Variants in HS3ST4 observed in about 807,000 individuals in gnomAD.
The protein encoded by HS3ST4 is heparan sulfate-glucosamine 3-sulfotransferase 4, also known as heparan sulfate glucosamine 3-O-sulfotransferase 4.
HS3ST4 carries 17 observed loss-of-function variants against 29.2 expected under a neutral mutation model. That is an observed-to-expected ratio of 0.58 (90% CI 0.40 to 0.87). The LOEUF is 0.87. Among genes scored for constraint, HS3ST4 ranks in the 40% least tolerant of loss-of-function variants. HS3ST4 has a pLI of 0.00. For missense variants in HS3ST4, 627 were observed against 634.5 expected (o/e 0.99, Z 0.13); for synonymous variants, 314 against 285.7 (o/e 1.10, Z -1.00).
intron 1 of HS3ST4, among the ~76,000 whole-genome samples, chr16:25,849,377 G>A (rs944428955): frequency 3.3e-5 from 5 of 152,172 alleles, no homozygotes; most frequent in African/African-American, 4.8e-5. Flanking sequence ...TTTGATTGGT[G>A]AATCTCTGAG....
intron 1 of HS3ST4, among the ~76,000 whole-genome samples, chr16:26,069,996 G>A (rs769167051): frequency 9.5e-4 from 145 of 152,144 alleles, no homozygotes; most frequent in Non-Finnish European, 1.6e-3. Flanking sequence ...TTGCTATTGC[G>A]AATAGTGCCA....
chr16:25,827,142 A>T (rs1967225742), intron 1 of HS3ST4, among the ~76,000 whole-genome samples: 1 of 152,210 alleles, frequency 6.6e-6, no homozygotes, highest in South Asian at 2.1e-4. Flanking sequence ...TAGGACCAAT[A>T]ATCAGAAAGC....
At chr16:25,996,746 T>C (rs935687930) in intron 1 of HS3ST4, among the ~76,000 whole-genome samples, 1 of 152,176 alleles carries the variant, frequency 6.6e-6, no homozygotes, top group Admixed American at 6.5e-5. Flanking sequence ...AAACTTATTC[T>C]TTTACATTAA....
chr16:25,953,285 A>G (rs1381690653), intron 1 of HS3ST4, among the ~76,000 whole-genome samples: 1 of 152,080 alleles, frequency 6.6e-6, no homozygotes, highest in Non-Finnish European at 1.5e-5. Flanking sequence ...TTCATCAGGA[A>G]CCCAAACAAC....
At chr16:26,083,253 TC>T (rs1898745185) in intron 1 of HS3ST4, among the ~76,000 whole-genome samples, 1 of 152,224 alleles carries the variant, frequency 6.6e-6, no homozygotes, top group Non-Finnish European at 1.5e-5. Context: ...TATCACTTAT[TC>T]CCCAGATCTA....
At chr16:25,831,395 CTACACA>C (rs1327955523) in intron 1 of HS3ST4, among the ~76,000 whole-genome samples, 2,446 of 101,624 alleles carry the variant, frequency 0.024, 68 homozygotes, top group African/African-American at 0.083. Context: ...GACCCCGTCT[CTACACA>C]CACACACACA....
chr16:26,013,222 CAGA>C (rs1212368184), intron 1 of HS3ST4, among the ~76,000 whole-genome samples: 1 of 151,874 alleles, frequency 6.6e-6, no homozygotes, highest in Non-Finnish European at 1.5e-5. Context: ...ACAAAACAAA[CAGA>C]AGAACACATG....
At chr16:26,044,908 G>A (rs1898246951) in intron 1 of HS3ST4, among the ~76,000 whole-genome samples, 1 of 152,142 alleles carries the variant, frequency 6.6e-6, no homozygotes, top group Non-Finnish European at 1.5e-5. Flanking sequence ...GAGTGGCAGG[G>A]AAGGTAAACT....
chr16:25,901,944 A>G (rs903142380), intron 1 of HS3ST4, among the ~76,000 whole-genome samples: 12 of 152,344 alleles, frequency 7.9e-5, no homozygotes, highest in East Asian at 7.7e-4. Flanking sequence ...CACAAGTGTA[A>G]TAACACCGTT....
chr16:26,044,307 G>A (rs1898240917), intron 1 of HS3ST4, among the ~76,000 whole-genome samples: 1 of 152,188 alleles, frequency 6.6e-6, no homozygotes, highest in East Asian at 1.9e-4. Context: ...GAGAGAGGGA[G>A]GAGGAAAAGA....
At chr16:25,813,847 G>C (rs548101476) in intron 1 of HS3ST4, among the ~76,000 whole-genome samples, 1 of 152,146 alleles carries the variant, frequency 6.6e-6, no homozygotes, top group Admixed American at 6.5e-5. Flanking sequence ...CCATTATCGG[G>C]TGAGTGGATA....
At chr16:25,755,030 G>T (rs1966748141) in intron 1 of HS3ST4, among the ~76,000 whole-genome samples, 1 of 150,258 alleles carries the variant, frequency 6.7e-6, no homozygotes, top group African/African-American at 2.5e-5. Flanking sequence ...CCATCCATCT[G>T]CCCACCCATC....
intron 1 of HS3ST4, among the ~76,000 whole-genome samples, chr16:26,134,167 GAGCAGCCTTAGCAAAGGAAC>G (rs1455780599): frequency 1.3e-5 from 2 of 152,052 alleles, no homozygotes; most frequent in African/African-American, 4.8e-5. Flanking sequence ...GGGAGTGGAG[GAGCAGCCTTAGCAAAGGAAC>G]CAAGAGATAC....
chr16:25,834,027 A>C (rs1446562851), intron 1 of HS3ST4, among the ~76,000 whole-genome samples: 3 of 152,230 alleles, frequency 2.0e-5, no homozygotes, highest in Non-Finnish European at 2.9e-5. Context: ...ATTTGAAAAA[A>C]AAATGGCCAA....
At chr16:25,824,584 C>G (rs1202970398) in intron 1 of HS3ST4, 1 of 152,148 alleles carries the variant, frequency 6.6e-6, no homozygotes, top group Non-Finnish European at 1.5e-5. Context: ...TGGGGAAGAC[C>G]TGCCCCCATA....
chr16:26,125,315 T>C (rs1196729695), intron 1 of HS3ST4, among the ~76,000 whole-genome samples: 1 of 144,960 alleles, frequency 6.9e-6, no homozygotes, highest in South Asian at 2.1e-4. Flanking sequence ...AGGATGAAAC[T>C]GTTCCACCTC....
chr16:25,842,491 G>A (rs1184322572), intron 1 of HS3ST4, among the ~76,000 whole-genome samples: 1 of 152,144 alleles, frequency 6.6e-6, no homozygotes, highest in Non-Finnish European at 1.5e-5. Flanking sequence ...TGATGTTTTG[G>A]AAGGAAGAAG....
At chr16:25,769,044 C>T (rs925193012) in intron 1 of HS3ST4, among the ~76,000 whole-genome samples, 7 of 152,098 alleles carry the variant, frequency 4.6e-5, no homozygotes, top group African/African-American at 1.7e-4. Flanking sequence ...ATCCTGGGTT[C>T]AAAACTGTGT....
At chr16:25,737,852 A>G (rs920420164) in intron 1 of HS3ST4, among the ~76,000 whole-genome samples, 6 of 151,554 alleles carry the variant, frequency 4.0e-5, no homozygotes, top group African/African-American at 1.5e-4. Flanking sequence ...ACTTCATGTA[A>G]TTGTGTCCCA....
Sources: gnomAD v4.1 joint callset for allele counts (sites outside exome capture counted in the v4.1 genomes callset) on GRCh38, gnomAD v4.1.1 for gene constraint, MANE v1.5 for transcripts, NCBI Gene and HGNC (gene_info 2026-07-23, HGNC 2026-07-21) for gene names.